Variants in TMEM132D observed in about 807,000 individuals in gnomAD.
The protein encoded by TMEM132D is mature OL transmembrane protein.
TMEM132D carries 21 observed loss-of-function variants against 62.3 expected under a neutral mutation model. The ratio of observed to expected loss-of-function variants is 0.34; its 90% confidence interval spans 0.24 to 0.49. TMEM132D has a LOEUF of 0.49. Ranked by LOEUF, TMEM132D falls within the 20% of genes least tolerant of loss-of-function variation. TMEM132D has a pLI of 0.99. For missense variants in TMEM132D, 1,346 were observed against 1,402.8 expected, an observed-to-expected ratio of 0.96 and a Z score of 0.65; for synonymous variants, 621 against 575.6, an observed-to-expected ratio of 1.08 and a Z score of -1.13.
chr12:129,573,422 T>C (rs927516702), intron 2 of TMEM132D, among the ~76,000 whole-genome samples: 2 of 152,144 alleles, frequency 1.3e-5, no homozygotes, highest in Admixed American at 6.5e-5. Flanking sequence ...CAGCTTCAGC[T>C]TGTGGAGCAT....
chr12:129,760,022 A>C (rs111254233), intron 1 of TMEM132D, among the ~76,000 whole-genome samples: 75 of 152,130 alleles, frequency 4.9e-4, no homozygotes, highest in African/African-American at 1.8e-3. Context: ...CCTCTGCCTC[A>C]GCCTCCTAAG....
intron 4 of TMEM132D, among the ~76,000 whole-genome samples, chr12:129,324,375 T>C (rs1868827942): frequency 6.6e-6 from 1 of 152,230 alleles, no homozygotes; most frequent in South Asian, 2.1e-4. Flanking sequence ...AGATGCAGCA[T>C]TTTGCCATTT....
intron 1 of TMEM132D, among the ~76,000 whole-genome samples, chr12:129,709,402 A>G (rs888815818): frequency 4.6e-5 from 7 of 152,360 alleles, no homozygotes; most frequent in Admixed American, 2.6e-4. Flanking sequence ...ATTTATTAGA[A>G]TAGACAAGGA....
intron 5 of TMEM132D, among the ~76,000 whole-genome samples, chr12:129,203,014 C>G (rs1419197736): frequency 6.6e-6 from 1 of 152,198 alleles, no homozygotes; most frequent in East Asian, 1.9e-4. Flanking sequence ...TAGCCTAAAG[C>G]TGCCACATGT....
intron 5 of TMEM132D, among the ~76,000 whole-genome samples, chr12:129,165,571 C>A (rs762751202): frequency 6.6e-6 from 1 of 152,114 alleles, no homozygotes; most frequent in Non-Finnish European, 1.5e-5. Context: ...CCTGTCTCTA[C>A]CCTGTTTCTC....
intron 3 of TMEM132D, among the ~76,000 whole-genome samples, chr12:129,365,139 T>A (rs1398852848): frequency 2.0e-5 from 3 of 152,194 alleles, no homozygotes; most frequent in East Asian, 3.9e-4. Flanking sequence ...GGAGTCCACA[T>A]GCAATTTAGT....
chr12:129,725,555 C>A (rs1869001837), intron 1 of TMEM132D, among the ~76,000 whole-genome samples: 1 of 152,246 alleles, frequency 6.6e-6, no homozygotes, highest in Non-Finnish European at 1.5e-5. Context: ...AGTGAGCAAA[C>A]TCAACCCTCA....
intron 2 of TMEM132D, among the ~76,000 whole-genome samples, chr12:129,571,285 G>A (rs902661395): frequency 6.6e-6 from 1 of 152,166 alleles, no homozygotes; most frequent in South Asian, 2.1e-4. Flanking sequence ...GAAATTTAAG[G>A]CCGGGCGTGG....
chr12:129,520,312 TAC>T (rs760678742), intron 3 of TMEM132D, among the ~76,000 whole-genome samples: 1 of 152,202 alleles, frequency 6.6e-6, no homozygotes, highest in Non-Finnish European at 1.5e-5. Flanking sequence ...CTGGGGTGCA[TAC>T]GTCTCTAATC....
intron 3 of TMEM132D, among the ~76,000 whole-genome samples, chr12:129,512,423 C>G (rs1024797825): frequency 6.6e-6 from 1 of 152,122 alleles, no homozygotes; most frequent in Non-Finnish European, 1.5e-5. Context: ...TCAAAAGAGA[C>G]GAGCCCTTCT....
Position 129,277,005 on chromosome 12 carries a change from G to A in TMEM132D, c.1299+60629C>T, listed in dbSNP as rs935628972. Reference sequence around the variant, plus strand: ...GAATCCTGCTGCCTAAAACTTCAAAGTAAGAAAGTAACCCAAGTCTTGGAG... The same window carrying A: ...GAATCCTGCTGCCTAAAACTTCAAAATAAGAAAGTAACCCAAGTCTTGGAG... On this transcript the variant is annotated intron_variant, in intron 4 of 8. Coordinates refer to ENST00000422113, the MANE Select transcript of TMEM132D (RefSeq NM_133448.3). The surrounding 1 kb of genome is among the most constrained non-coding windows in gnomAD (Gnocchi z 4.2). Among the ~76,000 whole-genome samples, 7 of 152,134 alleles carry A rather than the reference G, an allele frequency of 4.6e-5. No individual in the cohort carries two copies. Among genetic ancestry groups the A allele is most frequent in the African/African-American group, 1.7e-4 (7 of 41,422 alleles).
intron 4 of TMEM132D, among the ~76,000 whole-genome samples, chr12:129,311,157 C>G (rs1280692757): frequency 1.2e-5 from 1 of 82,758 alleles, no homozygotes; most frequent in African/African-American, 6.4e-5. Context: ...GAGATCGCGC[C>G]ACTGCACTCC....
chr12:129,345,029 G>T (rs752952461), intron 3 of TMEM132D, among the ~76,000 whole-genome samples: 1 of 151,938 alleles, frequency 6.6e-6, no homozygotes, highest in Non-Finnish European at 1.5e-5. Flanking sequence ...GTTTCATTTC[G>T]CACACTGAAA....
At chr12:129,362,999 T>A (rs1870295268) in intron 3 of TMEM132D, among the ~76,000 whole-genome samples, 1 of 152,164 alleles carries the variant, frequency 6.6e-6, no homozygotes, top group Non-Finnish European at 1.5e-5. Context: ...TAATTAGAAG[T>A]TTTTCATCTG....
intron 1 of TMEM132D, among the ~76,000 whole-genome samples, chr12:129,732,600 G>C (rs921416742): frequency 6.6e-6 from 1 of 152,160 alleles, no homozygotes; most frequent in Non-Finnish European, 1.5e-5. Context: ...TGAGATGCCT[G>C]CTCCCTCCCA....
intron 3 of TMEM132D, among the ~76,000 whole-genome samples, chr12:129,435,027 A>C (rs1213745599): frequency 1.3e-5 from 2 of 152,130 alleles, no homozygotes; most frequent in Admixed American, 1.3e-4. Flanking sequence ...CTATGAGATC[A>C]GCTTATTTAG....
chr12:129,645,558 G>A (rs1489901801), intron 2 of TMEM132D, among the ~76,000 whole-genome samples: 1 of 152,136 alleles, frequency 6.6e-6, no homozygotes, highest in East Asian at 1.9e-4. Context: ...AATGAATGAA[G>A]GAACAAAGGA....
intron 2 of TMEM132D, among the ~76,000 whole-genome samples, chr12:129,622,423 T>C (rs1424401150): frequency 6.6e-6 from 1 of 152,020 alleles, no homozygotes. Flanking sequence ...ATGCAAGAAA[T>C]TGAAATGTGG....
chr12:129,313,754 G>A (rs1164041250), intron 4 of TMEM132D, among the ~76,000 whole-genome samples: 1 of 152,260 alleles, frequency 6.6e-6, no homozygotes, highest in Non-Finnish European at 1.5e-5. Context: ...ACAAATGGTA[G>A]CTCTACTTTT....
Sources: gnomAD v4.1 joint callset for allele counts (sites outside exome capture counted in the v4.1 genomes callset) on GRCh38, gnomAD v4.1.1 for gene constraint, Gnocchi (gnomAD v3.1) non-coding constraint, MANE v1.5 for transcripts, NCBI Gene and HGNC (gene_info 2026-07-23, HGNC 2026-07-21) for gene names.